The following OTOP1 variants were observed in gnomAD, a reference collection of about 807,000 sequenced individuals.
OTOP1 encodes the protein proton channel OTOP1.
Under a neutral mutation model 52.9 loss-of-function variants are expected in OTOP1, and 59 were observed. That is an observed-to-expected ratio of 1.12 (90% CI 0.91 to 1.39). The LOEUF (loss-of-function observed/expected upper bound fraction) is 1.39, where lower values mean the gene tolerates loss of function less well. Among genes scored for constraint, OTOP1 ranks in the 40% most tolerant of loss-of-function variants. The probability of loss-of-function intolerance (pLI) is 0.00; values close to 1 mark genes in which losing one functional copy is unlikely to be tolerated. For synonymous variants in OTOP1, 317 were observed against 337.7 expected, an observed-to-expected ratio of 0.94 and a Z score of 0.67; for missense variants, 761 against 800.9, an observed-to-expected ratio of 0.95 and a Z score of 0.60.
chr4:4,204,196 G>T (rs182789512), intron 3 of OTOP1, among the ~76,000 whole-genome samples: 1 of 152,246 alleles, frequency 6.6e-6, no homozygotes, highest in Admixed American at 6.5e-5. Context: ...GCTTCCTTTG[G>T]CATAATGTCC....
chr4:4,216,785 A>G (rs932240762), intron 1 of OTOP1, among the ~76,000 whole-genome samples: 4 of 152,202 alleles, frequency 2.6e-5, no homozygotes, highest in African/African-American at 9.6e-5. Context: ...ATGAAACTGT[A>G]GAGACCTGGA....
intron 3 of OTOP1, among the ~76,000 whole-genome samples, chr4:4,204,732 G>A (rs1449433427): frequency 6.7e-6 from 1 of 149,416 alleles, no homozygotes; most frequent in Non-Finnish European, 1.5e-5. Context: ...GTGTGTGTGT[G>A]TGTGTGTGTG....
At chr4:4,193,586 A>G (rs1215177165) in intron 5 of OTOP1, among the ~76,000 whole-genome samples, 1 of 152,130 alleles carries the variant, frequency 6.6e-6, no homozygotes, top group African/African-American at 2.4e-5. Context: ...ATGAGCCAGC[A>G]CGGGTATCCT....
chr4:4,198,095 C>A lies in OTOP1; in HGVS notation c.739G>T (p.Asp247Tyr). The change falls in exon 5 of 6, where the codon GAC becomes TAC. Residue 247 changes from aspartate (D) to tyrosine (Y), a missense_variant. Asp to Tyr is a radical substitution (Grantham distance 160). Coordinates refer to ENST00000296358, the MANE Select transcript of OTOP1 (RefSeq NM_177998.3). ...GTGCAGTTACACTGCGGTGTGTGGTCATCTAAAACTAGGGGAGACAGGTAG... is the reference window on the plus strand; with the variant it reads ...GTGCAGTTACACTGCGGTGTGTGGTAATCTAAAACTAGGGGAGACAGGTAG... ...GFGNITTVLD[D>Y]HTPQCNCTPP... 2 of 1,612,092 alleles carry A rather than the reference C, an allele frequency of 1.2e-6. No homozygotes were observed. Among genetic ancestry groups the A allele is most frequent in the South Asian group, 1.1e-5 (1 of 90,992 alleles).
intron 3 of OTOP1, among the ~76,000 whole-genome samples, chr4:4,203,103 G>C (rs1334780562): frequency 1.3e-5 from 2 of 152,252 alleles, no homozygotes; most frequent in Non-Finnish European, 2.9e-5. Context: ...TGGCAGCTAG[G>C]CATGGCCATT....
At chr4:4,195,040 C>A (rs1315419289) in intron 5 of OTOP1, among the ~76,000 whole-genome samples, 1 of 152,182 alleles carries the variant, frequency 6.6e-6, no homozygotes, top group Non-Finnish European at 1.5e-5. Flanking sequence ...TTGCTACATA[C>A]AGCTACTGGG....
Position 4,190,146 on chromosome 4 carries a change from G to A in OTOP1, c.1669-1173C>T, listed in dbSNP as rs183603133. On this transcript the variant is annotated intron_variant, in intron 5 of 5. Coordinates refer to ENST00000296358, the MANE Select transcript of OTOP1 (RefSeq NM_177998.3). ...CCGACCTCTGTATCCAGGGACCTGC[G>A]GCTGTGGATTGAACCAAGCACAGAT... 3.3e-5 allele frequency among the ~76,000 whole-genome samples: 5 copies of A among 152,240 alleles called. 1 individual carries two copies. Among genetic ancestry groups the A allele is most frequent in the East Asian group, 3.9e-4 (2 of 5,182 alleles).
intron 1 of OTOP1, among the ~76,000 whole-genome samples, chr4:4,218,268 T>TGTA (rs1717191388): frequency 6.6e-6 from 1 of 151,760 alleles, no homozygotes; most frequent in South Asian, 2.1e-4. Context: ...GGCAAGCACC[T>TGTA]GTAGTCCCAG....
intron 5 of OTOP1, among the ~76,000 whole-genome samples, chr4:4,191,910 G>A (rs748101031): frequency 1.3e-5 from 2 of 152,140 alleles, no homozygotes; most frequent in African/African-American, 2.4e-5. Flanking sequence ...AAGGGAGAGA[G>A]GAAGGGAGAG....
chr4:4,204,086 C>G (rs376286817), intron 3 of OTOP1, among the ~76,000 whole-genome samples: 4 of 152,220 alleles, frequency 2.6e-5, no homozygotes, highest in Non-Finnish European at 5.9e-5. Flanking sequence ...ACCGCATCCT[C>G]AACCTTGACC....
intron 5 of OTOP1, among the ~76,000 whole-genome samples, chr4:4,195,766 G>A (rs779345872): frequency 3.3e-5 from 5 of 152,188 alleles, no homozygotes; most frequent in Non-Finnish European, 7.3e-5. Context: ...TGGGCCTCAC[G>A]TCAAGCACCC....
intron 3 of OTOP1, 35 bp from the exon 4 acceptor site, chr4:4,202,613 C>G (rs760576692): frequency 3.7e-6 from 6 of 1,610,662 alleles, no homozygotes; most frequent in Non-Finnish European, 5.1e-6. Context: ...TCAAGCAGCC[C>G]TGGGAGAGCC....
chr4:4,226,892 C>A lies in OTOP1; in HGVS notation c.-28G>T. On this transcript the variant is annotated 5_prime_UTR_variant, in exon 1 of 6. Transcript: ENST00000296358. ...TCGAGACACCCGCGCCAAGTCTGGT[C>A]CCGGGGGTGGCTGCCGTCGGGCCCC... 1 of 1,300,980 alleles carries A rather than the reference C, an allele frequency of 7.7e-7. No homozygotes were observed. Among genetic ancestry groups the A allele is most frequent in the South Asian group, 2.3e-5 (1 of 43,414 alleles). 80.6% of individuals were successfully genotyped at this position (1,300,980 alleles called of 1,614,324 possible). A position where few individuals can be genotyped will look rare whatever the true frequency, so the allele number is the denominator to read the frequency against.
At chr4:4,201,713 G>C (rs1350398796) in intron 4 of OTOP1, among the ~76,000 whole-genome samples, 1 of 152,138 alleles carries the variant, frequency 6.6e-6, no homozygotes, top group African/African-American at 2.4e-5. Flanking sequence ...ATCTTTGCAA[G>C]TGCATGATTT....
intron 1 of OTOP1, among the ~76,000 whole-genome samples, chr4:4,225,566 C>CAAAAAAAAAAA (rs60600637): frequency 3.6e-5 from 4 of 111,470 alleles, no homozygotes; most frequent in African/African-American, 1.4e-4. Context: ...AACATTGTCT[C>CAAAAAAAAAAA]AAAAAAAAAA....
At chr4:4,209,869 A>G (rs997555802) in intron 2 of OTOP1, among the ~76,000 whole-genome samples, 2 of 151,834 alleles carry the variant, frequency 1.3e-5, no homozygotes, top group Admixed American at 1.3e-4. Flanking sequence ...ACCCTACCCC[A>G]CTGTGAAGAA....
intron 3 of OTOP1, among the ~76,000 whole-genome samples, chr4:4,205,604 C>T (rs1577179558): frequency 6.6e-6 from 1 of 152,178 alleles, no homozygotes; most frequent in South Asian, 2.1e-4. Flanking sequence ...AGCAAGGCCC[C>T]TAAACCACTG....
chr4:4,219,329 T>G (rs542482808), intron 1 of OTOP1, among the ~76,000 whole-genome samples: 1 of 152,268 alleles, frequency 6.6e-6, no homozygotes, highest in Non-Finnish European at 1.5e-5. Context: ...ATGGCAATAT[T>G]AATATCAGAC....
At chr4:4,201,465 T>TAC (rs773676745) in intron 4 of OTOP1, among the ~76,000 whole-genome samples, 342 of 86,176 alleles carry the variant, frequency 4.0e-3, no homozygotes, top group East Asian at 0.011. Flanking sequence ...AATAAATATA[T>TAC]ATATATACAC....
Sources: gnomAD v4.1 joint callset for allele counts (sites outside exome capture counted in the v4.1 genomes callset) on GRCh38, gnomAD v4.1.1 for gene constraint, MANE v1.5 for transcripts, NCBI Gene and HGNC (gene_info 2026-07-23, HGNC 2026-07-21) for gene names.